Variants in ABI3BP observed in about 807,000 individuals in gnomAD.
The protein encoded by ABI3BP is ABI family member 3 binding protein.
A neutral mutation model predicts 268.6 loss-of-function variants in ABI3BP; 216 were observed. That is an observed-to-expected ratio of 0.80 (90% CI 0.72 to 0.90). ABI3BP has a LOEUF of 0.90. Ranked by LOEUF, ABI3BP falls within the 40% of genes least tolerant of loss-of-function variation. The pLI is 0.00. For missense variants in ABI3BP, 2,090 were observed against 2,182.4 expected, an observed-to-expected ratio of 0.96 and a Z score of 0.84; for synonymous variants, 730 against 730.0, an observed-to-expected ratio of 1.00 and a Z score of 0.00.
intron 7 of ABI3BP, among the ~76,000 whole-genome samples, chr3:100,875,926 T>C (rs1001667322): frequency 1.3e-5 from 2 of 152,164 alleles, no homozygotes; most frequent in African/African-American, 4.8e-5. Context: ...ATTTAGAAAA[T>C]TTATTTTCTC....
At chr3:100,974,057 G>A (rs1359001391) in intron 1 of ABI3BP, among the ~76,000 whole-genome samples, 1 of 151,882 alleles carries the variant, frequency 6.6e-6, no homozygotes, top group Non-Finnish European at 1.5e-5. Context: ...AAACTTACCT[G>A]ACTCTTTCCT....
chr3:100,798,287 A>G (rs971835385), intron 51 of ABI3BP, among the ~76,000 whole-genome samples: 5 of 152,172 alleles, frequency 3.3e-5, no homozygotes, highest in Admixed American at 3.3e-4. Context: ...GTCATAGCAG[A>G]CTTCCTAAGC....
At chr3:100,924,676 A>C (rs1460329192) in intron 2 of ABI3BP, among the ~76,000 whole-genome samples, 1 of 152,186 alleles carries the variant, frequency 6.6e-6, no homozygotes, top group Non-Finnish European at 1.5e-5. Context: ...AAGTGTCCCT[A>C]GTCCATTTAA....
rs201739900 is a variant in ABI3BP at position 100,804,835 on chromosome 3, T to C, written c.3714A>G (p.Lys1238=). The stretch of plus-strand genomic sequence containing the variant: ...CTTCTGGACTTGGTGACGTTTTTGG[T>C]TTTGCAGTAACACGCTGGGGCACCT... The part of the protein sequence containing the change: ...VPKVPQRVTA[K]PKTSPSPEVS... Residue 1238 remains lysine (K), a synonymous_variant, in exon 51 of 68, where the codon AAA becomes AAG. Transcript: ENST00000471714. The C allele has an allele frequency of 3.1e-6, 5 of 1,613,126 alleles. No homozygotes were observed. The African/African-American group carries it at 6.7e-5, about 22-fold the overall frequency.
At chr3:100,752,631 AATG>A (rs2095401191) in intron 66 of ABI3BP, 153 bp downstream of exon 66, 2 of 693,714 alleles carry the variant, frequency 2.9e-6, no homozygotes, top group East Asian at 2.6e-5. Context: ...GCTTTCTAGG[AATG>A]ATAACTGTTT....
At chr3:100,870,126 C>T (rs1366985311) in intron 9 of ABI3BP, among the ~76,000 whole-genome samples, 4 of 152,096 alleles carry the variant, frequency 2.6e-5, no homozygotes. Flanking sequence ...TTAACTTCAG[C>T]GCAGTTTATT....
chr3:100,875,419 T>C (rs910187332), intron 8 of ABI3BP, 89 bp downstream of exon 8: 4 of 965,578 alleles, frequency 4.1e-6, no homozygotes, highest in Non-Finnish European at 6.7e-6. Context: ...TAAACAGAAC[T>C]ACTCACACTG....
chr3:100,993,305 C>T lies in ABI3BP; in HGVS notation c.79+1G>A, dbSNP rs1487456597. Reference sequence around the variant, plus strand: ...AAAACATAAAACATCAGGCTACTTGCCTTTTGGCAATTTCTGTGCATTTCC... The same window carrying T: ...AAAACATAAAACATCAGGCTACTTGTCTTTTGGCAATTTCTGTGCATTTCC... On this transcript the variant is annotated splice_donor_variant, in intron 1 of 67. Transcript: ENST00000471714. LOFTEE classifies it high-confidence loss of function. The T allele has an allele frequency of 1.3e-6, 2 of 1,547,692 alleles. No individual in the cohort carries two copies. The highest frequency in any genetic ancestry group is 1.7e-6 in the Non-Finnish European group (2 of 1,143,832).
chr3:100,936,028 G>GT (rs1313948408), intron 1 of ABI3BP, among the ~76,000 whole-genome samples: 1 of 152,006 alleles, frequency 6.6e-6, no homozygotes, highest in Non-Finnish European at 1.5e-5. Context: ...AATAGGAGTG[G>GT]GAGAGAGGGC....
At position 100,833,174 on chromosome 3, in the gene ABI3BP, T is replaced by C. The variant is rs2098520877; in HGVS notation, c.2282-17A>G. 1 of 1,531,216 alleles carries C rather than the reference T, an allele frequency of 6.5e-7. No individual in the cohort carries two copies. Among genetic ancestry groups the C allele is most frequent in the South Asian group, 1.2e-5 (1 of 83,506 alleles). 94.9% of individuals were successfully genotyped at this position (1,531,216 alleles called of 1,614,324 possible). A position where few individuals can be genotyped will look rare whatever the true frequency, so the allele number is the denominator to read the frequency against. ...GTCCAAAGTCTGTAGCAAGAAATGA[T>C]CAAAAGCAATTTTAAAAAGAAATAA... On this transcript the variant is annotated splice_polypyrimidine_tract_variant and intron_variant, in intron 29 of 67. Coordinates refer to ENST00000471714, the MANE Select transcript of ABI3BP (RefSeq NM_001375547.2).
At chr3:100,765,310 A>G (rs2096223999) in intron 63 of ABI3BP, among the ~76,000 whole-genome samples, 1 of 152,242 alleles carries the variant, frequency 6.6e-6, no homozygotes, top group South Asian at 2.1e-4. Flanking sequence ...AAACAACGTT[A>G]AAGATATGTA....
At chr3:100,960,738 T>A (rs1269233927) in intron 1 of ABI3BP, among the ~76,000 whole-genome samples, 1 of 152,224 alleles carries the variant, frequency 6.6e-6, no homozygotes, top group Admixed American at 6.5e-5. Flanking sequence ...TGACAAGAAA[T>A]GTTGGTGGAC....
chr3:100,754,423 T>C (rs1261259877), intron 64 of ABI3BP, among the ~76,000 whole-genome samples, 189 bp downstream of exon 64: 1 of 152,208 alleles, frequency 6.6e-6, no homozygotes, highest in Non-Finnish European at 1.5e-5. Context: ...AACTGATGTG[T>C]CTTTAAGTGA....
intron 2 of ABI3BP, among the ~76,000 whole-genome samples, chr3:100,904,042 C>A (rs1050402602): frequency 3.3e-5 from 5 of 152,156 alleles, no homozygotes; most frequent in Non-Finnish European, 7.3e-5. Flanking sequence ...ATACAATAAC[C>A]ATTTCCTGAT....
intron 51 of ABI3BP, among the ~76,000 whole-genome samples, chr3:100,798,296 G>A (rs17217950): frequency 0.14 from 21,034 of 152,070 alleles, 1,891 homozygotes; most frequent in South Asian, 0.27. Flanking sequence ...GACTTCCTAA[G>A]CAGGTGAAAT....
intron 2 of ABI3BP, among the ~76,000 whole-genome samples, chr3:100,907,889 G>A (rs1264085575): frequency 6.6e-6 from 1 of 152,118 alleles, no homozygotes; most frequent in East Asian, 1.9e-4. Flanking sequence ...GCCTAGGCGG[G>A]CAGATCATGA....
chr3:100,867,652 A>AAAAG (rs2099066627), intron 9 of ABI3BP, among the ~76,000 whole-genome samples: 1 of 147,566 alleles, frequency 6.8e-6, no homozygotes, highest in Admixed American at 6.6e-5. Flanking sequence ...AAAAAAAAAA[A>AAAAG]AAAAAAAAAG....
chr3:100,928,819 C>G (rs1376481104), intron 1 of ABI3BP, among the ~76,000 whole-genome samples: 1 of 152,078 alleles, frequency 6.6e-6, no homozygotes, highest in Non-Finnish European at 1.5e-5. Context: ...GCACTGCTCT[C>G]TTTTCACTGA....
At chr3:100,879,791 C>T (rs914175242) in intron 6 of ABI3BP, among the ~76,000 whole-genome samples, 1 of 152,076 alleles carries the variant, frequency 6.6e-6, no homozygotes, top group African/African-American at 2.4e-5. Context: ...ATCCACAATC[C>T]AAAGATGCAT....
Sources: allele counts gnomAD v4.1 joint callset (sites outside exome capture counted in the v4.1 genomes callset), GRCh38; gene constraint gnomAD v4.1.1; transcripts MANE v1.5; gene names NCBI Gene and HGNC (gene_info 2026-07-23, HGNC 2026-07-21).